PBX3: variants seen among roughly 807,000 people sequenced by gnomAD.
PBX3 encodes pre-B-cell leukemia transcription factor 3.
A neutral mutation model predicts 48.5 loss-of-function variants in PBX3; 14 were observed. The observed-to-expected ratio is 0.29, with a 90% CI of 0.19 to 0.45. The LOEUF is 0.45. PBX3 is among the 20% of genes least tolerant of loss of function. The pLI, the probability that PBX3 is intolerant of heterozygous loss-of-function variation, is 1.00. For synonymous variants in PBX3, 210 were observed against 200.3 expected (o/e 1.05, Z -0.41); for missense variants, 386 against 546.7 (o/e 0.71, Z 2.93).
chr9:125,821,796 T>C (rs1420896189), intron 2 of PBX3, among the ~76,000 whole-genome samples: 1 of 152,162 alleles, frequency 6.6e-6, no homozygotes, highest in African/African-American at 2.4e-5. Context: ...AAATTATTTG[T>C]TTCAAGTTAC....
At chr9:125,782,041 C>A (rs1588141721) in intron 2 of PBX3, among the ~76,000 whole-genome samples, 1 of 152,054 alleles carries the variant, frequency 6.6e-6, no homozygotes, top group African/African-American at 2.4e-5. Flanking sequence ...ATGGGGATTA[C>A]AATTAATATC....
intron 3 of PBX3, among the ~76,000 whole-genome samples, chr9:125,920,372 G>A (rs964479296): frequency 1.3e-5 from 2 of 152,144 alleles, no homozygotes; most frequent in African/African-American, 4.8e-5. Flanking sequence ...CTTAAGCCAA[G>A]GTTCCTGGGA....
chr9:125,933,112 T>G (rs989997336), intron 4 of PBX3, among the ~76,000 whole-genome samples: 1 of 152,238 alleles, frequency 6.6e-6, no homozygotes, highest in Admixed American at 6.5e-5. Flanking sequence ...TGCCTTCAAG[T>G]GAATGCAAAT....
chr9:125,777,361 T>TA (rs1837102288), intron 2 of PBX3, among the ~76,000 whole-genome samples: 1 of 143,768 alleles, frequency 7.0e-6, no homozygotes, highest in Non-Finnish European at 1.5e-5. Flanking sequence ...TTCTTCTTCT[T>TA]CTTTTTTTTT....
chr9:125,808,901 C>T (rs958338431), intron 2 of PBX3, among the ~76,000 whole-genome samples: 20 of 152,096 alleles, frequency 1.3e-4, no homozygotes, highest in East Asian at 5.8e-4. Context: ...CATGTCTTAA[C>T]GAAGTTTATC....
chr9:125,951,432 C>T (rs896758251), intron 5 of PBX3, among the ~76,000 whole-genome samples: 1 of 152,136 alleles, frequency 6.6e-6, no homozygotes, highest in East Asian at 1.9e-4. Context: ...CAGTGTCTCA[C>T]CAGCACTGGG....
intron 1 of PBX3, 66 bp downstream of exon 1, chr9:125,747,719 G>A: frequency 1.6e-6 from 2 of 1,272,940 alleles, no homozygotes; most frequent in Non-Finnish European, 2.1e-6. Flanking sequence ...CCGAGTCGAG[G>A]CCCGGGGTGG....
At chr9:125,836,675 A>G (rs1343171875) in intron 2 of PBX3, among the ~76,000 whole-genome samples, 1 of 152,232 alleles carries the variant, frequency 6.6e-6, no homozygotes, top group Admixed American at 6.5e-5. Context: ...TGTTCCCAAC[A>G]TAAACTGATG....
chr9:125,841,179 A>G (rs371047780), intron 2 of PBX3, among the ~76,000 whole-genome samples: 25 of 152,286 alleles, frequency 1.6e-4, no homozygotes, highest in Admixed American at 1.4e-3. Context: ...TAAGTCACCT[A>G]GTTATTAAGT....
intron 2 of PBX3, among the ~76,000 whole-genome samples, chr9:125,752,579 C>T (rs887212163): frequency 7.4e-5 from 11 of 149,318 alleles, no homozygotes; most frequent in Non-Finnish European, 1.2e-4. Flanking sequence ...TCATTCGACA[C>T]CTCTCTATTT....
chr9:125,936,489 G>C (rs1012668528), intron 5 of PBX3, among the ~76,000 whole-genome samples: 3 of 152,172 alleles, frequency 2.0e-5, no homozygotes, highest in Non-Finnish European at 4.4e-5. Flanking sequence ...GTGTTCACTA[G>C]GGGTCACATG....
intron 2 of PBX3, among the ~76,000 whole-genome samples, chr9:125,755,337 A>G (rs1836484780): frequency 6.6e-6 from 1 of 152,150 alleles, no homozygotes. Flanking sequence ...AAGATTCTAA[A>G]CAGGCATTAC....
intron 2 of PBX3, among the ~76,000 whole-genome samples, chr9:125,765,505 A>G (rs1247409958): frequency 1.3e-5 from 2 of 152,148 alleles, no homozygotes; most frequent in African/African-American, 2.4e-5. Context: ...ATCTGATAAT[A>G]GGGTTACTGG....
rs1299800849 is a variant in PBX3, at chr9:125,777,010, C to CTT, written c.274+28390_274+28391dup. On this transcript the variant is annotated intron_variant, in intron 2 of 8. Coordinates refer to ENST00000373489, the MANE Select transcript of PBX3 (RefSeq NM_006195.6). ...CTGGCTGACACATGATTTTTCTTTT[C>CTT]TTTTCTTTTTTTTTTTTGAGACGGA... 3.2e-5 allele frequency among the ~76,000 whole-genome samples: 3 copies of CTT among 94,350 alleles called. No individual in the cohort carries two copies. In the Admixed American group the frequency reaches 3.2e-4, roughly 10 times the overall value. The allele number at this position is 94,350 out of a possible 152,430, so 61.9% of individuals were successfully genotyped here. A position where few individuals can be genotyped will look rare whatever the true frequency, so the allele number is the denominator to read the frequency against.
intron 5 of PBX3, among the ~76,000 whole-genome samples, chr9:125,954,788 C>T (rs940147242): frequency 2.5e-4 from 38 of 152,192 alleles, no homozygotes; most frequent in Middle Eastern, 3.2e-3. Flanking sequence ...CCGCCCGCCT[C>T]GGCCTCCCAA....
At chr9:125,921,483 CTG>C (rs1841456337) in intron 3 of PBX3, among the ~76,000 whole-genome samples, 1 of 152,190 alleles carries the variant, frequency 6.6e-6, no homozygotes, top group Admixed American at 6.5e-5. Context: ...TCAGTAATAA[CTG>C]TCATTTACTG....
chr9:125,844,197 A>AT (rs1474309612), intron 2 of PBX3, among the ~76,000 whole-genome samples: 1 of 151,708 alleles, frequency 6.6e-6, no homozygotes, highest in Non-Finnish European at 1.5e-5. Context: ...TTTTTATTTA[A>AT]TTTTTTTGCC....
intron 2 of PBX3, among the ~76,000 whole-genome samples, chr9:125,853,794 T>C (rs4515655): frequency 0.54 from 81,642 of 152,058 alleles, 23,112 homozygotes; most frequent in South Asian, 0.63. Context: ...TGAATACTTA[T>C]TAGTTTCTTG....
chr9:125,780,159 C>T lies in PBX3; in HGVS notation c.274+31536C>T, dbSNP rs1588138500. 2.9e-5 allele frequency among the ~76,000 whole-genome samples: 4 copies of T among 136,504 alleles called. No homozygotes were observed. The South Asian group carries it at 9.4e-4, about 32-fold the overall frequency. 89.6% of individuals were successfully genotyped at this position (136,504 alleles called of 152,430 possible). ...GCGGCCGGGCAGAGGCGCCCCTCAC[C>T]TCCCGGACGGGGCGGCTGGCCGGGC... On this transcript the variant is annotated intron_variant, in intron 2 of 8. Coordinates refer to ENST00000373489, the MANE Select transcript of PBX3 (RefSeq NM_006195.6).
Sources: gnomAD v4.1 joint callset for allele counts (sites outside exome capture counted in the v4.1 genomes callset) on GRCh38, gnomAD v4.1.1 for gene constraint, MANE v1.5 for transcripts, NCBI Gene and HGNC (gene_info 2026-07-23, HGNC 2026-07-21) for gene names.